Variants in ANXA5 observed in about 807,000 individuals in gnomAD.
ANXA5 encodes the protein annexin A5.
ANXA5 carries 40 observed loss-of-function variants against 48.1 expected under a neutral mutation model. The ratio of observed to expected loss-of-function variants is 0.83; its 90% CI spans 0.65 to 1.08. The LOEUF (loss-of-function observed/expected upper bound fraction) is 1.08. Ranked by LOEUF, ANXA5 falls within the 50% of genes least tolerant of loss-of-function variation. The pLI is 0.00. For synonymous variants in ANXA5, 113 were observed against 129.1 expected (o/e 0.88, Z 0.85); for missense variants, 357 against 376.8 (o/e 0.95, Z 0.44).
chr4:121,669,842 A>C, intron 11 of ANXA5, 112 bp downstream of exon 11: 2 of 1,456,216 alleles, frequency 1.4e-6, no homozygotes, highest in Non-Finnish European at 1.9e-6. Context: ...ACTGGGTTGA[A>C]TGTTATAAGG....
intron 10 of ANXA5, among the ~76,000 whole-genome samples, chr4:121,670,779 T>C (rs914794499): frequency 7.3e-4 from 111 of 152,114 alleles, no homozygotes; most frequent in Admixed American, 9.8e-4. Context: ...TGTCTAAAAG[T>C]TTTCTGGTAA....
intron 5 of ANXA5, among the ~76,000 whole-genome samples, chr4:121,683,078 C>A (rs1724819443): frequency 6.6e-6 from 1 of 151,848 alleles, no homozygotes. Context: ...TTTAAACATC[C>A]TCAAAATCAG....
At chr4:121,668,854 C>T (rs982566446) in intron 12 of ANXA5, among the ~76,000 whole-genome samples, 5 of 151,934 alleles carry the variant, frequency 3.3e-5, no homozygotes, top group African/African-American at 1.2e-4. Context: ...GGCTCTCCCT[C>T]CGAGACAGAA....
intron 2 of ANXA5, among the ~76,000 whole-genome samples, chr4:121,693,641 T>C (rs572604967): frequency 6.6e-6 from 1 of 152,330 alleles, no homozygotes; most frequent in Non-Finnish European, 1.5e-5. Context: ...TGAATGCCAA[T>C]GAATTGCTCA....
chr4:121,671,449 C>A, intron 10 of ANXA5, 98 bp downstream of exon 10: 1 of 837,638 alleles, frequency 1.2e-6, no homozygotes, highest in South Asian at 1.6e-5. Flanking sequence ...TCAAGCTCTT[C>A]CTTCACACCT....
At chr4:121,677,576 T>C (rs1355348825) in intron 8 of ANXA5, among the ~76,000 whole-genome samples, 1 of 152,200 alleles carries the variant, frequency 6.6e-6, no homozygotes, top group Admixed American at 6.5e-5. Context: ...CACTGCATAA[T>C]TGGCAGTGGA....
Position 121,669,958 on chromosome 4 carries a change from A to G in ANXA5, c.776T>C (p.Met259Thr). Residue 259 changes from methionine (M) to threonine (T), a missense_variant, in exon 11 of 13, where the codon ATG (methionine) becomes ACG (threonine). Transcript: ENST00000296511. ...AYLAETLYYA[M>T]KGAGTDDHTL... Reference sequence around the variant, plus strand: ...AGGTTCATGGTCTCCACTTACCTTCATAGCATAATAGAGGGTCTCTGCAAG... The same window carrying G: ...AGGTTCATGGTCTCCACTTACCTTCGTAGCATAATAGAGGGTCTCTGCAAG... 6.3e-7 allele frequency: 1 copy of G among 1,596,246 alleles called. No homozygotes were observed. Among genetic ancestry groups the G allele is most frequent in the Non-Finnish European group, 8.5e-7 (1 of 1,170,984 alleles).
intron 6 of ANXA5, among the ~76,000 whole-genome samples, chr4:121,679,152 T>C (rs192408413): frequency 1.3e-5 from 2 of 152,312 alleles, no homozygotes; most frequent in East Asian, 3.9e-4. Flanking sequence ...TTAATTATTA[T>C]GCAAAAGCAA....
chr4:121,688,875 G>C (rs1366683750), intron 2 of ANXA5, among the ~76,000 whole-genome samples: 1 of 152,120 alleles, frequency 6.6e-6, no homozygotes, highest in Non-Finnish European at 1.5e-5. Flanking sequence ...AAAGGGGAAG[G>C]GGAGCCTCTC....
chr4:121,695,075 A>T (rs1314352163), intron 2 of ANXA5, among the ~76,000 whole-genome samples: 1 of 152,242 alleles, frequency 6.6e-6, no homozygotes. Flanking sequence ...AGAAACTGCT[A>T]AATGAGCAAA....
chr4:121,678,377 G>A, intron 7 of ANXA5, 38 bp downstream of exon 7: 1 of 1,561,918 alleles, frequency 6.4e-7, no homozygotes, highest in Non-Finnish European at 8.8e-7. Flanking sequence ...CCAACTTCAG[G>A]CTTTTTAATC....
At chr4:121,693,309 C>T in intron 2 of ANXA5, among the ~76,000 whole-genome samples, 2 of 151,680 alleles carry the variant, frequency 1.3e-5, no homozygotes, top group Middle Eastern at 6.9e-3. Context: ...TGCAATTAAT[C>T]AATTGATGAT....
intron 2 of ANXA5, among the ~76,000 whole-genome samples, chr4:121,687,489 A>G (rs1415373457): frequency 6.6e-6 from 1 of 152,176 alleles, no homozygotes; most frequent in African/African-American, 2.4e-5. Flanking sequence ...ACAAACAGCT[A>G]AAAGGACTGT....
intron 2 of ANXA5, among the ~76,000 whole-genome samples, chr4:121,692,185 T>C (rs1186081760): frequency 1.3e-5 from 2 of 152,124 alleles, no homozygotes; most frequent in Non-Finnish European, 2.9e-5. Flanking sequence ...TAAAATCAAA[T>C]GCAAGGGAAA....
rs189132743 is a variant in ANXA5, at chr4:121,696,180, C to T, written c.9+401G>A. Among the ~76,000 whole-genome samples the T allele has an allele frequency of 4.0e-3, 60 of 14,934 alleles. No individual in the cohort carries two copies. In the East Asian group the frequency reaches 0.12, roughly 29 times the overall value. 9.8% of individuals were successfully genotyped at this position (14,934 alleles called of 152,430 possible). ...AAAAAAAATAAAGGAAGTCGGGGGG[C>T]GGGGTGGGGGGGGAATGCGTTCGCC... On this transcript the variant is annotated intron_variant, in intron 2 of 12. Coordinates refer to ENST00000296511, the MANE Select transcript of ANXA5 (RefSeq NM_001154.4).
intron 6 of ANXA5, among the ~76,000 whole-genome samples, chr4:121,680,103 A>T (rs2110483910): frequency 6.6e-6 from 1 of 152,194 alleles, no homozygotes; most frequent in South Asian, 2.1e-4. Flanking sequence ...TGTTTCTATG[A>T]GTTCAATTTT....
At chr4:121,671,014 T>C (rs970453822) in intron 10 of ANXA5, among the ~76,000 whole-genome samples, 1 of 152,200 alleles carries the variant, frequency 6.6e-6, no homozygotes, top group South Asian at 2.1e-4. Context: ...AATACTGCAA[T>C]CAACTGCACA....
rs978153899 is a variant in ANXA5 at position 121,696,455 on chromosome 4, G to A, written c.9+126C>T. Reference sequence around the variant, plus strand: ...AAGGGGGAACAAGAAAAGTGGAAGCGATGTCCCCAAAGCAGGTTCCCTTTC... The same window carrying A: ...AAGGGGGAACAAGAAAAGTGGAAGCAATGTCCCCAAAGCAGGTTCCCTTTC... On this transcript the variant is annotated intron_variant, in intron 2 of 12. Transcript: ENST00000296511. 5 of 863,704 alleles carry A rather than the reference G, an allele frequency of 5.8e-6. No individual in the cohort carries two copies. In the South Asian group the frequency reaches 2.4e-4, roughly 42 times the overall value. 53.5% of individuals were successfully genotyped at this position (863,704 alleles called of 1,614,324 possible).
At chr4:121,689,324 C>T (rs1724942491) in intron 2 of ANXA5, among the ~76,000 whole-genome samples, 1 of 152,096 alleles carries the variant, frequency 6.6e-6, no homozygotes, top group Non-Finnish European at 1.5e-5. Context: ...ATTGACTCAC[C>T]ATCTTTTGAA....
Sources: allele counts gnomAD v4.1 joint callset (sites outside exome capture counted in the v4.1 genomes callset), GRCh38; gene constraint gnomAD v4.1.1; transcripts MANE v1.5; gene names NCBI Gene and HGNC (gene_info 2026-07-23, HGNC 2026-07-21).